Variants in MYT1L observed in about 807,000 individuals in gnomAD.
The protein encoded by MYT1L is myelin transcription factor 1-like protein.
Under a neutral mutation model 126.7 loss-of-function variants are expected in MYT1L, and 12 were observed. The ratio of observed to expected loss-of-function variants is 0.09; its 90% CI spans 0.06 to 0.15. The LOEUF is 0.15. Among genes scored for constraint, MYT1L ranks in the 10% least tolerant of loss-of-function variants. The probability of loss-of-function intolerance (pLI) is 1.00; values close to 1 mark genes in which losing one functional copy is unlikely to be tolerated. For missense variants in MYT1L, 979 were observed against 1,585.2 expected, an observed-to-expected ratio of 0.62 and a Z score of 6.49; for synonymous variants, 541 against 604.2, an observed-to-expected ratio of 0.90 and a Z score of 1.53.
intron 3 of MYT1L, among the ~76,000 whole-genome samples, chr2:2,158,618 A>AACACAC (rs74164556): frequency 0.023 from 3,353 of 144,324 alleles, 83 homozygotes; most frequent in African/African-American, 0.066. Flanking sequence ...CCATGGCATA[A>AACACAC]ACACACACAC....
intron 1 of MYT1L, among the ~76,000 whole-genome samples, chr2:2,309,331 C>T (rs897579737): frequency 2.0e-5 from 3 of 151,726 alleles, no homozygotes; most frequent in African/African-American, 7.3e-5. Context: ...TATCTATACT[C>T]TATCTACACT....
chr2:2,014,519 G>A (rs1441769342), intron 4 of MYT1L, among the ~76,000 whole-genome samples: 1 of 152,172 alleles, frequency 6.6e-6, no homozygotes, highest in Non-Finnish European at 1.5e-5. Flanking sequence ...AAGGTGAGGA[G>A]GTGTTTATCC....
At chr2:1,856,316 G>A (rs2043909538) in intron 18 of MYT1L, among the ~76,000 whole-genome samples, 1 of 152,182 alleles carries the variant, frequency 6.6e-6, no homozygotes, top group East Asian at 1.9e-4. Flanking sequence ...AACAATCTCT[G>A]TGAGCCTGTG....
chr2:2,207,656 A>T (rs2093365521), intron 2 of MYT1L, among the ~76,000 whole-genome samples: 2 of 152,200 alleles, frequency 1.3e-5, no homozygotes, highest in Admixed American at 6.5e-5. Flanking sequence ...ATTATTCTAG[A>T]GGCCCTACAG....
rs2053010344 is a variant in MYT1L at position 1,917,481 on chromosome 2, T to C, written c.1484-142A>G. Reference sequence around the variant, plus strand: ...TAGGCTGTGACATCAGACTTTTGCTTAGATAGTTCTTTGGTTTTGGGTGAC... The same window carrying C: ...TAGGCTGTGACATCAGACTTTTGCTCAGATAGTTCTTTGGTTTTGGGTGAC... On this transcript the variant is annotated intron_variant, in intron 10 of 24. Transcript: ENST00000647738. This position sits in a 1 kb window ranked among gnomAD's most constrained non-coding sequence, Gnocchi z 5.9. 1.0e-6 allele frequency: 1 copy of C among 966,838 alleles called. No homozygotes were observed. The highest frequency in any genetic ancestry group is 1.5e-6 in the Non-Finnish European group (1 of 654,870). 59.9% of individuals were successfully genotyped at this position (966,838 alleles called of 1,614,324 possible).
intron 1 of MYT1L, among the ~76,000 whole-genome samples, chr2:2,323,278 T>G (rs1260717051): frequency 6.6e-6 from 1 of 152,188 alleles, no homozygotes; most frequent in Non-Finnish European, 1.5e-5. Flanking sequence ...AAATATTCAC[T>G]GTTATTGTTT....
At chr2:2,155,465 A>G (rs2086574537) in intron 3 of MYT1L, among the ~76,000 whole-genome samples, 1 of 152,214 alleles carries the variant, frequency 6.6e-6, no homozygotes, top group Non-Finnish European at 1.5e-5. Flanking sequence ...TATGTGTCAG[A>G]CACCAAACCA....
chr2:1,901,800 T>C lies in MYT1L; in HGVS notation c.2032+1280A>G, dbSNP rs528511266. Among the ~76,000 whole-genome samples the C allele has an allele frequency of 8.5e-5, 13 of 152,312 alleles. No homozygotes were observed. The East Asian group carries it at 1.4e-3, about 16-fold the overall frequency. ...AGCACAATATGAGCAGCTGGGATTA[T>C]AGGCATGAGCCACCATGCCCGGCTA... On this transcript the variant is annotated intron_variant, in intron 14 of 24. Coordinates refer to ENST00000647738, the MANE Select transcript of MYT1L (RefSeq NM_001303052.2).
intron 9 of MYT1L, among the ~76,000 whole-genome samples, chr2:1,927,211 C>G (rs1223773151): frequency 1.3e-5 from 2 of 151,896 alleles, no homozygotes; most frequent in African/African-American, 2.4e-5. Context: ...AAGACAGAGC[C>G]CATTCAGTGG....
At chr2:2,129,702 C>T (rs567327569) in intron 3 of MYT1L, among the ~76,000 whole-genome samples, 20 of 152,194 alleles carry the variant, frequency 1.3e-4, no homozygotes, top group African/African-American at 4.6e-4. Context: ...GTCAGGAGAT[C>T]GAGACCATCC....
intron 18 of MYT1L, among the ~76,000 whole-genome samples, chr2:1,856,142 G>T (rs77485131): frequency 6.6e-6 from 1 of 152,132 alleles, no homozygotes; most frequent in African/African-American, 2.4e-5. Flanking sequence ...AGACAGGGAC[G>T]CTCAGAAGCA....
chr2:1,851,633 C>A lies in MYT1L; in HGVS notation c.2774+8G>T. On this transcript the variant is annotated splice_region_variant and intron_variant, in intron 19 of 24. Transcript: ENST00000647738. ...CATTTTGGAGAGAAGAGTAGCATCT[C>A]TACATACCTCCGATGAGAAGCATAA... 1 of 1,612,788 alleles carries A rather than the reference C, an allele frequency of 6.2e-7. No homozygotes were observed. The highest frequency in any genetic ancestry group is 8.5e-7 in the Non-Finnish European group (1 of 1,178,884).
intron 3 of MYT1L, among the ~76,000 whole-genome samples, chr2:2,063,582 G>A (rs1394924231): frequency 2.6e-5 from 4 of 152,160 alleles, no homozygotes; most frequent in African/African-American, 7.2e-5. Flanking sequence ...AGCGGCTCAC[G>A]CCTGTAATCC....
chr2:1,991,801 A>T (rs544173939), intron 5 of MYT1L, among the ~76,000 whole-genome samples: 12 of 152,042 alleles, frequency 7.9e-5, no homozygotes, highest in Admixed American at 5.2e-4. Flanking sequence ...CATCCCCCAA[A>T]TCCACAGTCT....
In MYT1L at chr2:1,976,274, G is replaced by A. The variant is rs371294223; in HGVS notation, c.152+2891C>T. On this transcript the variant is annotated intron_variant, in intron 8 of 24. Coordinates refer to ENST00000647738, the MANE Select transcript of MYT1L (RefSeq NM_001303052.2). The stretch of plus-strand genomic sequence containing the variant: ...CAGCTGTGTTCACAGAGGGTGTGCC[G>A]GCATGAATGGGCAAGAATAGCTGTC... Among the ~76,000 whole-genome samples, 49 of 152,250 alleles carry A rather than the reference G, an allele frequency of 3.2e-4. 1 individual carries two copies. The highest frequency in any genetic ancestry group is 5.8e-4 in the East Asian group (3 of 5,178).
intron 3 of MYT1L, among the ~76,000 whole-genome samples, chr2:2,135,724 A>G (rs1033016769): frequency 1.3e-5 from 2 of 152,196 alleles, no homozygotes; most frequent in Non-Finnish European, 2.9e-5. Flanking sequence ...TAATCATGCC[A>G]TGTGGTGGTG....
chr2:2,005,973 G>A (rs1257411040), intron 4 of MYT1L, among the ~76,000 whole-genome samples: 1 of 114,616 alleles, frequency 8.7e-6, no homozygotes, highest in East Asian at 2.6e-4. Context: ...CTTTCCTGCA[G>A]GTGTTCTTTC....
chr2:2,094,328 A>C (rs1300927460), intron 3 of MYT1L, among the ~76,000 whole-genome samples: 1 of 152,224 alleles, frequency 6.6e-6, no homozygotes, highest in African/African-American at 2.4e-5. Context: ...GTGGGACTGT[A>C]AACTGGTTCA....
intron 1 of MYT1L, among the ~76,000 whole-genome samples, chr2:2,316,620 G>T (rs2096068626): frequency 6.6e-6 from 1 of 152,190 alleles, no homozygotes; most frequent in Non-Finnish European, 1.5e-5. Context: ...AGCTGCCACG[G>T]CACGTACGTT....
Sources: gnomAD v4.1 joint callset for allele counts (sites outside exome capture counted in the v4.1 genomes callset) on GRCh38, gnomAD v4.1.1 for gene constraint, Gnocchi (gnomAD v3.1) non-coding constraint, MANE v1.5 for transcripts, NCBI Gene and HGNC (gene_info 2026-07-23, HGNC 2026-07-21) for gene names.